The following MPP1 variants were observed in gnomAD, a reference collection of about 807,000 sequenced individuals.
MPP1 encodes the protein MAGUK p55 scaffold protein 1.
MPP1 carries 6 observed loss-of-function variants against 38.2 expected under a neutral mutation model. The observed-to-expected ratio is 0.16, with a 90% CI of 0.09 to 0.31. MPP1 has a LOEUF of 0.31. Among genes scored for constraint, MPP1 ranks in the 10% least tolerant of loss-of-function variants. The probability of loss-of-function intolerance (pLI) is 1.00; values close to 1 mark genes in which losing one functional copy is unlikely to be tolerated. For missense variants in MPP1, 293 were observed against 368.9 expected (o/e 0.79, Z 1.69); for synonymous variants, 153 against 146.3 (o/e 1.05, Z -0.33).
intron 1 of MPP1, among the ~76,000 whole-genome samples, chrX:154,798,469 T>G (rs1338678273): frequency 8.9e-6 from 1 of 112,543 alleles, no homozygotes; most frequent in Non-Finnish European, 1.9e-5. Context: ...CAACTTGGGA[T>G]CCAGCTCAAA....
At chrX:154,784,960 T>C in intron 7 of MPP1, 91 bp downstream of exon 7, 2 of 820,764 alleles carry the variant, frequency 2.4e-6, no homozygotes, top group Non-Finnish European at 3.7e-6. Flanking sequence ...TGCTGCGCAC[T>C]GCACCACCTC....
At chrX:154,783,962 G>C (rs937634062) in intron 8 of MPP1, 66 bp downstream of exon 8, 1 of 1,016,760 alleles carries the variant, frequency 9.8e-7, no homozygotes, top group Admixed American at 2.3e-5. Flanking sequence ...CTTTTTTGGG[G>C]GTGGGCACGT....
At chrX:154,792,070 C>A in intron 2 of MPP1, 72 bp downstream of exon 2, 1 of 1,165,748 alleles carries the variant, frequency 8.6e-7, no homozygotes, top group Non-Finnish European at 1.2e-6. Context: ...CAGCCTCTTG[C>A]ATTGACTCTT....
chrX:154,786,765 G>A (rs1309110757), intron 5 of MPP1, among the ~76,000 whole-genome samples: 3 of 108,437 alleles, frequency 2.8e-5, no homozygotes, highest in Admixed American at 9.9e-5. Flanking sequence ...GTGTGGTGGC[G>A]TGCACCTGTA....
intron 1 of MPP1, among the ~76,000 whole-genome samples, chrX:154,794,227 T>C (rs1284890972): frequency 9.0e-6 from 1 of 111,337 alleles, no homozygotes; most frequent in Non-Finnish European, 1.9e-5. Flanking sequence ...CCTACATCAA[T>C]GGCAATGAAT....
chrX:154,799,910 G>C, intron 1 of MPP1: 3 of 1,105,806 alleles, frequency 2.7e-6, no homozygotes, highest in East Asian at 7.4e-5. Flanking sequence ...TTTAAAAAGA[G>C]ATGAAAAACA....
At chrX:154,804,448 T>A (rs1168295945) in intron 1 of MPP1, among the ~76,000 whole-genome samples, 2 of 111,021 alleles carry the variant, frequency 1.8e-5, no homozygotes, top group African/African-American at 6.6e-5. Flanking sequence ...CTGGACATTT[T>A]CCCCTTGGGA....
In MPP1 at chrX:154,786,443, G is replaced by A. The variant is rs782585311; in HGVS notation, c.481-43C>T. On this transcript the variant is annotated intron_variant, in intron 5 of 11. Transcript: ENST00000369534. Reference sequence around the variant, plus strand: ...GGAACTGCAGGCGGCAGCTTCAAAAGAAACACCAGCATCAGAGCATGTCCT... The same window carrying A: ...GGAACTGCAGGCGGCAGCTTCAAAAAAAACACCAGCATCAGAGCATGTCCT... The A allele has an allele frequency of 2.5e-4, 280 of 1,123,511 alleles. 2 individuals are homozygous for A. The South Asian group carries it at 5.1e-3, about 21-fold the overall frequency. 92.6% of individuals were successfully genotyped at this position (1,123,511 alleles called of 1,213,427 possible). A position where few individuals can be genotyped will look rare whatever the true frequency, so the allele number is the denominator to read the frequency against.
At chrX:154,792,445 T>C in intron 1 of MPP1, 160 bp from the exon 2 acceptor site, 2 of 599,158 alleles carry the variant, frequency 3.3e-6, no homozygotes, top group Non-Finnish European at 4.9e-6. Flanking sequence ...GTAAGCTTTA[T>C]TTCTCCAACT....
rs1557267687 is a variant in MPP1, at chrX:154,791,037, T to C, written c.357A>G (p.Glu119=). Residue 119 remains glutamate, a synonymous_variant, in exon 4 of 12, where the codon GAA becomes GAG. Coordinates refer to ENST00000369534, the MANE Select transcript of MPP1 (RefSeq NM_002436.4). ...GATTTGTCACATTTGTGCCATTGATTTCTAGGATCTCATCCCCCACGTGAA... is the reference window on the plus strand; with the variant it reads ...GATTTGTCACATTTGTGCCATTGATCTCTAGGATCTCATCCCCCACGTGAA... The part of the protein sequence containing the change: ...GSLHVGDEIL[E]INGTNVTNHS... The C allele has an allele frequency of 9.9e-6, 12 of 1,209,469 alleles. No individual in the cohort carries two copies.
intron 1 of MPP1, chrX:154,804,872 T>C (rs1245617544): frequency 2.9e-6 from 1 of 350,869 alleles, no homozygotes; most frequent in African/African-American, 2.6e-5. Context: ...AACCAGAAGC[T>C]GGCTTTTACA....
intron 4 of MPP1, 26 bp downstream of exon 4, chrX:154,790,957 C>T (rs1557267671): frequency 8.5e-7 from 1 of 1,182,747 alleles, no homozygotes; most frequent in Non-Finnish European, 1.1e-6. Flanking sequence ...AATGGAAGGT[C>T]TTCATCTAGC....
chrX:154,789,726 T>C (rs1314733382), intron 5 of MPP1, among the ~76,000 whole-genome samples: 1 of 111,287 alleles, frequency 9.0e-6, no homozygotes, highest in African/African-American at 3.3e-5. Flanking sequence ...GGCTCATTCA[T>C]TCTCTACTCC....
chrX:154,790,097 G>GT, intron 4 of MPP1, 75 bp from the exon 5 acceptor site: 2 of 674,364 alleles, frequency 3.0e-6, no homozygotes, highest in Non-Finnish European at 4.5e-6. Context: ...AAAGTCCCAG[G>GT]TTTTTTTCCC....
At chrX:154,799,875 G>A in intron 1 of MPP1, 2 of 1,153,015 alleles carry the variant, frequency 1.7e-6, no homozygotes, top group South Asian at 2.0e-5. Context: ...AAAGGGCAGA[G>A]GCAGTTGCTC....
chrX:154,779,271 T>C lies in MPP1; in HGVS notation c.1307A>G (p.Asn436Ser). The change falls in exon 12 of 12, where the codon AAT (asparagine) becomes AGT (serine). Residue 436 changes from asparagine to serine, a missense_variant. Transcript: ENST00000369534. ...YAHYFDLSLV[N>S]NGVDETLKKL... ...CTTAAGGGTTTCATCAACACCATTA[T>C]TGACCAGTGAGAGGTCAAAGTAGTG... 1 of 1,211,774 alleles carries C rather than the reference T, an allele frequency of 8.3e-7. No homozygotes were observed. The highest frequency in any genetic ancestry group is 1.1e-6 in the Non-Finnish European group (1 of 895,392).
Position 154,792,266 on chromosome X carries a change from T to C in MPP1, c.122A>G (p.Asn41Ser). ...GGTGTACATGTCCTCGGTCACAGTA[T>C]TCAATGGATGCGATACAGCCTGCCA... ...SRPEAVSHPL[N>S]TVTEDMYTNG... is the part of the protein sequence containing the mutation. Residue 41 changes from asparagine (N) to serine (S), a missense_variant, in exon 2 of 12, where the codon AAT becomes AGT. Asn to Ser is a conservative substitution (Grantham distance 46, BLOSUM62 1). Coordinates refer to ENST00000369534, the MANE Select transcript of MPP1 (RefSeq NM_002436.4). The C allele has an allele frequency of 8.3e-7, 1 of 1,208,821 alleles. No individual in the cohort carries two copies. Among genetic ancestry groups the C allele is most frequent in the East Asian group, 3.0e-5 (1 of 33,767 alleles).
rs781902044 is a variant in MPP1 at position 154,801,758 on chromosome X, C to CAAAAAAA, written c.102+3507_102+3513dup. ...TGGGTGACAGAGCAAAACTCTGTCT[C>CAAAAAAA]AAAAAAAAAAAAAAAAAAAAAAAAA... On this transcript the variant is annotated intron_variant, in intron 1 of 11. Transcript: ENST00000369534. 8.8e-3 allele frequency among the ~76,000 whole-genome samples: 60 copies of CAAAAAAA among 6,829 alleles called. 12 individuals carry two copies. The highest frequency in any genetic ancestry group is 0.011 in the Non-Finnish European group (47 of 4,474). 5.9% of individuals were successfully genotyped at this position (6,829 alleles called of 115,157 possible).
At chrX:154,789,150 C>G (rs979733458) in intron 5 of MPP1, among the ~76,000 whole-genome samples, 57 of 111,829 alleles carry the variant, frequency 5.1e-4, no homozygotes, top group African/African-American at 1.9e-3. Context: ...TATGCCAAAA[C>G]TGCAATTTAA....
Sources: gnomAD v4.1 joint callset for allele counts (sites outside exome capture counted in the v4.1 genomes callset) on GRCh38, gnomAD v4.1.1 for gene constraint, MANE v1.5 for transcripts, NCBI Gene and HGNC (gene_info 2026-07-23, HGNC 2026-07-21) for gene names.